The following CLYBL variants were observed in gnomAD, a reference collection of about 807,000 sequenced individuals.
CLYBL encodes the protein citramalyl-CoA lyase, mitochondrial.
CLYBL carries 31 observed loss-of-function variants against 38.9 expected under a neutral mutation model. The ratio of observed to expected loss-of-function variants is 0.80; its 90% CI spans 0.60 to 1.08. CLYBL has a LOEUF of 1.08. CLYBL is among the 50% of genes least tolerant of loss of function. CLYBL has a pLI of 0.00. For synonymous variants in CLYBL, 171 were observed against 158.6 expected, an observed-to-expected ratio of 1.08 and a Z score of -0.59; for missense variants, 434 against 411.6, an observed-to-expected ratio of 1.05 and a Z score of -0.47.
intron 3 of CLYBL, among the ~76,000 whole-genome samples, chr13:99,860,742 T>C (rs992371818): frequency 2.6e-5 from 4 of 152,274 alleles, no homozygotes; most frequent in African/African-American, 7.2e-5. Context: ...ACAGAAGTCC[T>C]TTTGGCTGTT....
At chr13:99,873,068 G>A (rs988248026) in intron 7 of CLYBL, among the ~76,000 whole-genome samples, 2 of 152,002 alleles carry the variant, frequency 1.3e-5, no homozygotes, top group Admixed American at 6.6e-5. Flanking sequence ...TAACTATTAG[G>A]TAATTTCTTC....
At chr13:99,751,480 C>G (rs2048955860) in intron 1 of CLYBL, among the ~76,000 whole-genome samples, 1 of 152,142 alleles carries the variant, frequency 6.6e-6, no homozygotes, top group Non-Finnish European at 1.5e-5. Flanking sequence ...CTCAGCCTCC[C>G]AAAGTGCTGG....
chr13:99,854,216 A>AAAC (rs759357291), intron 2 of CLYBL, among the ~76,000 whole-genome samples: 12 of 152,094 alleles, frequency 7.9e-5, no homozygotes, highest in Non-Finnish European at 1.5e-4. Flanking sequence ...TTTCCTCTGA[A>AAAC]AACAACTATA....
chr13:99,696,963 C>G (rs2047989433), intron 1 of CLYBL, among the ~76,000 whole-genome samples: 1 of 152,188 alleles, frequency 6.6e-6, no homozygotes, highest in Admixed American at 6.5e-5. Context: ...CCTGTCTTCT[C>G]TGTTTCAACA....
rs888057694 is a variant in CLYBL at position 99,655,234 on chromosome 13, C to T, written c.62+48477C>T. Among the ~76,000 whole-genome samples the T allele has an allele frequency of 2.0e-5, 3 of 151,922 alleles. No individual in the cohort carries two copies. In the East Asian group the frequency reaches 5.9e-4, roughly 30 times the overall value. On this transcript the variant is annotated intron_variant, in intron 1 of 8. Coordinates refer to ENST00000339105, the MANE Select transcript of CLYBL (RefSeq NM_206808.5). ...GGGATTACAGGCACCTGCCATCATG[C>T]CCGGCTAATTTTTGTATTTTTAGTA...
intron 1 of CLYBL, among the ~76,000 whole-genome samples, chr13:99,739,166 T>A (rs2048711360): frequency 6.6e-6 from 1 of 152,090 alleles, no homozygotes; most frequent in Admixed American, 6.5e-5. Context: ...TTATAAATGG[T>A]TTTATTTGGA....
intron 1 of CLYBL, among the ~76,000 whole-genome samples, chr13:99,615,458 AAAC>A (rs1358937714): frequency 2.6e-5 from 4 of 152,236 alleles, no homozygotes; most frequent in Admixed American, 6.5e-5. Context: ...TTAATTATAA[AAAC>A]AACATTTTTT....
chr13:99,652,953 C>T (rs1013883397), intron 1 of CLYBL, among the ~76,000 whole-genome samples: 3 of 152,148 alleles, frequency 2.0e-5, no homozygotes, highest in Non-Finnish European at 2.9e-5. Flanking sequence ...GGGAGACACA[C>T]CCTAAAAGCA....
chr13:99,645,044 A>G (rs2047157375), intron 1 of CLYBL, among the ~76,000 whole-genome samples: 1 of 152,110 alleles, frequency 6.6e-6, no homozygotes, highest in South Asian at 2.1e-4. Flanking sequence ...TAGCATTGGG[A>G]TTGCTGGGTC....
intron 1 of CLYBL, among the ~76,000 whole-genome samples, chr13:99,677,656 T>C (rs1350276087): frequency 6.6e-6 from 1 of 152,220 alleles, no homozygotes; most frequent in Admixed American, 6.5e-5. Context: ...TGTGACTGTA[T>C]TTAGTTCATG....
chr13:99,698,924 C>T (rs987071424), intron 1 of CLYBL, among the ~76,000 whole-genome samples: 1 of 152,200 alleles, frequency 6.6e-6, no homozygotes, highest in Admixed American at 6.5e-5. Context: ...TTTTATAGCA[C>T]ACCGCCAGAA....
chr13:99,900,255 G>A (rs541259304), downstream of CLYBL, among the ~76,000 whole-genome samples: 42 of 152,218 alleles, frequency 2.8e-4, no homozygotes, highest in Non-Finnish European at 4.7e-4. Context: ...ACTAGATGAA[G>A]TATATGCTCT....
chr13:99,710,883 T>G (rs1594132566), intron 1 of CLYBL, among the ~76,000 whole-genome samples: 2 of 84,188 alleles, frequency 2.4e-5, no homozygotes, highest in South Asian at 5.7e-4. Context: ...TCTAACCCCT[T>G]TTTTTTTTTT....
intron 1 of CLYBL, among the ~76,000 whole-genome samples, chr13:99,615,895 A>G (rs2046701173): frequency 1.3e-5 from 2 of 152,098 alleles, no homozygotes; most frequent in Non-Finnish European, 2.9e-5. Context: ...GTGCAGTGGC[A>G]CAATCTCAGC....
intron 1 of CLYBL, among the ~76,000 whole-genome samples, chr13:99,741,016 C>T (rs146399073): frequency 8.5e-4 from 130 of 152,272 alleles, no homozygotes; most frequent in African/African-American, 2.9e-3. Flanking sequence ...TTACTGGAGA[C>T]AAATTGAAGT....
chr13:99,878,642 G>T (rs1028398904), intron 7 of CLYBL, among the ~76,000 whole-genome samples: 1 of 152,162 alleles, frequency 6.6e-6, no homozygotes, highest in Non-Finnish European at 1.5e-5. Context: ...TATGCAAATC[G>T]TACCTCAATA....
At chr13:99,702,648 A>C (rs983739559) in intron 1 of CLYBL, among the ~76,000 whole-genome samples, 4 of 152,080 alleles carry the variant, frequency 2.6e-5, no homozygotes, top group Non-Finnish European at 5.9e-5. Flanking sequence ...AAAAAAAAAA[A>C]AACCTATTTA....
chr13:99,669,141 A>C (rs925260188), intron 1 of CLYBL, among the ~76,000 whole-genome samples: 1 of 152,018 alleles, frequency 6.6e-6, no homozygotes, highest in Non-Finnish European at 1.5e-5. Context: ...AGCTGGAACT[A>C]CAGGCATGTG....
At chr13:99,708,498 A>G (rs1387285397) in intron 1 of CLYBL, among the ~76,000 whole-genome samples, 2 of 152,224 alleles carry the variant, frequency 1.3e-5, no homozygotes, top group Non-Finnish European at 2.9e-5. Flanking sequence ...CCTTGGACCC[A>G]TGAGGGCCAG....
Sources: gnomAD v4.1 joint callset for allele counts (sites outside exome capture counted in the v4.1 genomes callset) on GRCh38, gnomAD v4.1.1 for gene constraint, MANE v1.5 for transcripts, NCBI Gene and HGNC (gene_info 2026-07-23, HGNC 2026-07-21) for gene names.